The following UST variants were observed in gnomAD, a reference collection of about 807,000 sequenced individuals.
UST encodes the protein chondroitin sulfate 2-O-sulfotransferase.
In UST, 21 loss-of-function variants were observed where a neutral mutation model predicts 45.6. That is an observed-to-expected ratio of 0.46 (90% CI 0.33 to 0.66). The LOEUF (loss-of-function observed/expected upper bound fraction) is 0.66, where lower values mean the gene tolerates loss of function less well. UST is among the 30% of genes least tolerant of loss of function. The pLI, the probability that UST is intolerant of heterozygous loss-of-function variation, is 0.02. For missense variants in UST, 463 were observed against 512.4 expected (o/e 0.90, Z 0.93); for synonymous variants, 215 against 200.6 (o/e 1.07, Z -0.61).
chr6:149,020,869 A>C (rs1028495635), intron 6 of UST, among the ~76,000 whole-genome samples: 1 of 152,234 alleles, frequency 6.6e-6, no homozygotes, highest in Admixed American at 6.5e-5. Flanking sequence ...AAGATGATTA[A>C]TAGGCATGAC....
intron 5 of UST, among the ~76,000 whole-genome samples, chr6:148,982,226 G>A (rs1242241899): frequency 6.6e-6 from 1 of 151,946 alleles, no homozygotes; most frequent in African/African-American, 2.4e-5. Flanking sequence ...AGCCCTCCAA[G>A]TAGGTGGGGC....
chr6:148,974,078 G>A (rs1780971817), intron 5 of UST, among the ~76,000 whole-genome samples: 1 of 152,186 alleles, frequency 6.6e-6, no homozygotes, highest in Admixed American at 6.5e-5. Flanking sequence ...ACTATAAGGA[G>A]GATGGAAACT....
chr6:148,800,296 G>T (rs930495219), intron 1 of UST, among the ~76,000 whole-genome samples: 1 of 152,146 alleles, frequency 6.6e-6, no homozygotes, highest in East Asian at 1.9e-4. Flanking sequence ...GCAAATTACC[G>T]AACACAGGGC....
intron 2 of UST, among the ~76,000 whole-genome samples, chr6:148,927,106 A>G (rs1000119488): frequency 2.0e-5 from 3 of 152,044 alleles, no homozygotes; most frequent in African/African-American, 7.2e-5. Context: ...AGTTGTCCTT[A>G]CGTCCCCGTT....
chr6:148,938,001 A>G (rs1243417698), intron 2 of UST, among the ~76,000 whole-genome samples: 1 of 152,198 alleles, frequency 6.6e-6, no homozygotes, highest in Non-Finnish European at 1.5e-5. Context: ...ATTTTTCTGA[A>G]TATCTGGACT....
At chr6:148,871,233 C>T (rs1364195072) in intron 1 of UST, among the ~76,000 whole-genome samples, 4 of 151,716 alleles carry the variant, frequency 2.6e-5, no homozygotes, top group Non-Finnish European at 4.4e-5. Flanking sequence ...TGAGGGCTCT[C>T]ACTGGAACTT....
At chr6:148,767,948 T>A (rs1776351671) in intron 1 of UST, among the ~76,000 whole-genome samples, 1 of 152,194 alleles carries the variant, frequency 6.6e-6, no homozygotes, top group Non-Finnish European at 1.5e-5. Flanking sequence ...TCTAGTTTTT[T>A]TTGTGGTTGT....
chr6:149,017,081 A>G (rs1432874197), intron 5 of UST, among the ~76,000 whole-genome samples: 1 of 152,224 alleles, frequency 6.6e-6, no homozygotes, highest in African/African-American at 2.4e-5. Flanking sequence ...TTTTCTCACA[A>G]TAAATGTAAG....
intron 1 of UST, among the ~76,000 whole-genome samples, chr6:148,841,791 C>T (rs1777896827): frequency 6.6e-6 from 1 of 152,158 alleles, no homozygotes; most frequent in East Asian, 1.9e-4. Context: ...AATAGCAGTA[C>T]ATTAATCATG....
intron 5 of UST, among the ~76,000 whole-genome samples, chr6:149,000,247 A>G (rs1350023109): frequency 6.6e-6 from 1 of 152,238 alleles, no homozygotes; most frequent in Non-Finnish European, 1.5e-5. Flanking sequence ...GGCTAGAGAT[A>G]TACAGAGGTG....
intron 2 of UST, among the ~76,000 whole-genome samples, chr6:148,910,454 CT>C (rs1205374721): frequency 6.6e-6 from 1 of 152,110 alleles, no homozygotes; most frequent in Non-Finnish European, 1.5e-5. Flanking sequence ...TTCTACTCAG[CT>C]TTCTTTCCTT....
intron 7 of UST, among the ~76,000 whole-genome samples, chr6:149,057,326 C>T (rs920561278): frequency 6.6e-6 from 1 of 151,480 alleles, no homozygotes; most frequent in Admixed American, 6.5e-5. Context: ...TTCTCAGAGT[C>T]AGGAGATGCA....
chr6:148,893,114 A>G (rs896929028), intron 2 of UST, among the ~76,000 whole-genome samples: 1 of 151,280 alleles, frequency 6.6e-6, no homozygotes, highest in African/African-American at 2.4e-5. Flanking sequence ...TAGTATATTG[A>G]GGGTTAAGAT....
intron 1 of UST, among the ~76,000 whole-genome samples, chr6:148,863,076 A>G (rs1778351716): frequency 6.6e-6 from 1 of 152,130 alleles, no homozygotes; most frequent in African/African-American, 2.4e-5. Flanking sequence ...CTCCTGGATA[A>G]TATCCTGCAG....
Position 148,980,375 on chromosome 6 carries a change from C to G in UST, c.681+15812C>G, listed in dbSNP as rs541994940. On this transcript the variant is annotated intron_variant, in intron 5 of 7. Coordinates refer to ENST00000367463, the MANE Select transcript of UST (RefSeq NM_005715.3). ...CAGTCTTTAACTTTTTTCAACTCTC[C>G]CATACCTCCTAACTGCTCTCCTCAA... Among the ~76,000 whole-genome samples the G allele has an allele frequency of 1.8e-3, 270 of 152,246 alleles. 1 individual carries two copies. The highest frequency in any genetic ancestry group is 2.2e-3 in the Non-Finnish European group (148 of 68,026).
intron 1 of UST, among the ~76,000 whole-genome samples, chr6:148,848,186 A>C (rs1765089043): frequency 6.6e-6 from 1 of 152,364 alleles, no homozygotes. Flanking sequence ...TTTACTTGTT[A>C]GGAGATACCT....
chr6:148,997,503 A>G (rs1781473526), intron 5 of UST, among the ~76,000 whole-genome samples: 1 of 152,180 alleles, frequency 6.6e-6, no homozygotes, highest in Non-Finnish European at 1.5e-5. Context: ...AAAAAGGGAA[A>G]ATGAAGGCAG....
intron 1 of UST, among the ~76,000 whole-genome samples, chr6:148,840,585 G>A (rs1777869443): frequency 6.6e-6 from 1 of 152,088 alleles, no homozygotes; most frequent in Non-Finnish European, 1.5e-5. Context: ...TCCCACAGTG[G>A]ACTCTGAGGG....
At chr6:148,909,647 C>T (rs939170868) in intron 2 of UST, among the ~76,000 whole-genome samples, 6 of 152,190 alleles carry the variant, frequency 3.9e-5, no homozygotes, top group Non-Finnish European at 8.8e-5. Flanking sequence ...CGTTGTTTAA[C>T]GTCCTTCTAG....
Sources: gnomAD v4.1 joint callset for allele counts (sites outside exome capture counted in the v4.1 genomes callset) on GRCh38, gnomAD v4.1.1 for gene constraint, MANE v1.5 for transcripts, NCBI Gene and HGNC (gene_info 2026-07-23, HGNC 2026-07-21) for gene names.